Variants in KRT8 observed in about 807,000 individuals in gnomAD.
KRT8 encodes keratin, type II cytoskeletal 8.
In KRT8, 24 loss-of-function variants were observed where a neutral mutation model predicts 43.0. The observed-to-expected ratio is 0.56, with a 90% CI of 0.40 to 0.78. The LOEUF is 0.78. Among genes scored for constraint, KRT8 ranks in the 30% least tolerant of loss-of-function variants. The pLI, the probability that KRT8 is intolerant of heterozygous loss-of-function variation, is 0.00. For synonymous variants in KRT8, 214 were observed against 261.2 expected, an observed-to-expected ratio of 0.82 and a Z score of 1.74; for missense variants, 492 against 638.4, an observed-to-expected ratio of 0.77 and a Z score of 2.47.
rs1314015016 is a variant in KRT8 at position 52,917,696 on chromosome 12, G to A, written c.-46-12669C>T. Among the ~76,000 whole-genome samples, 7 of 129,590 alleles carry A rather than the reference G, an allele frequency of 5.4e-5. No homozygotes were observed. In the East Asian group the frequency reaches 6.9e-4, roughly 13 times the overall value. The allele number at this position is 129,590 out of a possible 152,430, so 85.0% of individuals were successfully genotyped here. A position where few individuals can be genotyped will look rare whatever the true frequency, so the allele number is the denominator to read the frequency against. On this transcript the variant is annotated intron_variant, in intron 2 of 6. Transcript: ENST00000546826. ...TGCACTCCAGCCTGGGTGATAGGGCGAGACTCTGTCTCAAAAAAAAAAAAA... is the reference window on the plus strand; with the variant it reads ...TGCACTCCAGCCTGGGTGATAGGGCAAGACTCTGTCTCAAAAAAAAAAAAA...
At chr12:52,907,004 A>C, upstream of KRT8, 1 of 305,816 alleles carries the variant, frequency 3.3e-6, no homozygotes, top group Non-Finnish European at 6.5e-6. Flanking sequence ...ACACACACAC[A>C]CACACACACC....
chr12:52,930,576 T>C (rs1426766427), intron 2 of KRT8, among the ~76,000 whole-genome samples: 1 of 151,774 alleles, frequency 6.6e-6, no homozygotes, highest in Admixed American at 6.6e-5. Flanking sequence ...TTTTCCTTTT[T>C]TTGAGACAAA....
chr12:52,929,380 G>T (rs1234600440), intron 2 of KRT8, among the ~76,000 whole-genome samples: 2 of 151,958 alleles, frequency 1.3e-5, no homozygotes, highest in African/African-American at 4.8e-5. Flanking sequence ...TTTTAGTAGA[G>T]ACAGGGTTTC....
Position 52,934,371 on chromosome 12 carries a change from C to G in KRT8, c.-47+15085G>C, listed in dbSNP as rs1220783386. On this transcript the variant is annotated intron_variant, in intron 2 of 6. Transcript: ENST00000546826. Reference sequence around the variant, plus strand: ...AGGTCTGAGTTCAGAACCAGTCTGGCCAACATGGTGAAACCCTGTCTCTAC... The same window carrying G: ...AGGTCTGAGTTCAGAACCAGTCTGGGCAACATGGTGAAACCCTGTCTCTAC... 2.0e-5 allele frequency among the ~76,000 whole-genome samples: 3 copies of G among 151,574 alleles called. No homozygotes were observed. In the East Asian group the frequency reaches 5.9e-4, roughly 30 times the overall value.
intron 2 of KRT8, among the ~76,000 whole-genome samples, chr12:52,919,125 A>G (rs987203020): frequency 9.9e-5 from 15 of 152,216 alleles, no homozygotes; most frequent in Admixed American, 9.2e-4. Context: ...CTAGGGAGCT[A>G]GCCATGCAAA....
At chr12:52,949,096 T>TCGGGTCGCG (rs1209281927) in intron 2 of KRT8, 2 of 1,325,992 alleles carry the variant, frequency 1.5e-6, no homozygotes, top group Non-Finnish European at 2.1e-6. Flanking sequence ...GCGATATAAC[T>TCGGGTCGCG]CGGGTCGCGC....
chr12:52,937,611 C>A (rs2120717834), intron 2 of KRT8, among the ~76,000 whole-genome samples: 1 of 151,368 alleles, frequency 6.6e-6, no homozygotes, highest in South Asian at 2.1e-4. Flanking sequence ...TCACTTGAAT[C>A]CGGGAGGCAA....
At chr12:52,940,624 GA>G (rs1942252311) in intron 2 of KRT8, among the ~76,000 whole-genome samples, 1 of 126,566 alleles carries the variant, frequency 7.9e-6, no homozygotes, top group Non-Finnish European at 1.7e-5. Context: ...GAACACAGTG[GA>G]TTTTTTTTTT....
chr12:52,901,143 AG>A lies in KRT8; in HGVS notation c.594+15del. The A allele has an allele frequency of 6.3e-7, 1 of 1,585,738 alleles. No individual in the cohort carries two copies. Among genetic ancestry groups the A allele is most frequent in the Non-Finnish European group, 8.7e-7 (1 of 1,154,096 alleles). On this transcript the variant is annotated intron_variant, in intron 3 of 7. Coordinates refer to ENST00000692008, the Ensembl canonical transcript of KRT8. ...CAGCCTCCAGTGTCCAGATAGGAGA[AG>A]GGAGACTCCCTCACCTTCTTGATGA...
At chr12:52,906,367 G>T (rs1941519138), upstream of KRT8, among the ~76,000 whole-genome samples, 1 of 152,168 alleles carries the variant, frequency 6.6e-6, no homozygotes, top group Non-Finnish European at 1.5e-5. Context: ...GACGGCAGGG[G>T]GTACAGTGGA....
At position 52,902,064 on chromosome 12, in the gene KRT8, G is replaced by A. The variant is rs1285788229; in HGVS notation, c.333C>T (p.Phe111=). The A allele has an allele frequency of 1.9e-6, 3 of 1,599,768 alleles. No individual in the cohort carries two copies. In the South Asian group the frequency reaches 3.3e-5, roughly 18 times the overall value. The change falls in exon 2 of 8, where the codon TTC becomes TTT. Residue 111 remains phenylalanine, a synonymous_variant. Coordinates refer to ENST00000692008, the Ensembl canonical transcript of KRT8. ...CCAGCATCTTGTTCTGCTGCTCCAG[G>A]AACCGTACCTATACGAAGGAGGAGA...
At chr12:52,929,320 T>C (rs574007134) in intron 2 of KRT8, among the ~76,000 whole-genome samples, 202 of 152,074 alleles carry the variant, frequency 1.3e-3, no homozygotes, top group Non-Finnish European at 2.4e-3. Context: ...ACCTCCTGAG[T>C]AGCTGGGATT....
chr12:52,936,182 G>T (rs1239543860), intron 2 of KRT8, among the ~76,000 whole-genome samples: 1 of 152,092 alleles, frequency 6.6e-6, no homozygotes, highest in African/African-American at 2.4e-5. Context: ...AACCTGGGAG[G>T]CACAGGTTGC....
rs58912304 is a variant in KRT8, at chr12:52,899,801, C to A, written c.955G>T (p.Ala319Ser). 10,862 of 1,612,008 alleles carry A rather than the reference C, an allele frequency of 6.7e-3. 50 individuals are homozygous for A. The highest frequency in any genetic ancestry group is 8.3e-3 in the Non-Finnish European group (9,739 of 1,179,858). ...TGGCCTTTGAGGCCCTCAATCTCAGCCTGGAGCCGGCTGATGTTCCGGTTC... is the reference window on the plus strand; with the variant it reads ...TGGCCTTTGAGGCCCTCAATCTCAGACTGGAGCCGGCTGATGTTCCGGTTC... Residue 319 changes from alanine to serine, a missense_variant, in exon 5 of 8, where the codon GCT becomes TCT. Around this residue, in one of 3 missense-constraint regions of KRT8, gnomAD observed 389 missense variants for 485.7 expected, o/e 0.80. Coordinates refer to ENST00000692008, the Ensembl canonical transcript of KRT8.
intron 2 of KRT8, among the ~76,000 whole-genome samples, chr12:52,928,084 G>GCTCTTGGC (rs1476008672): frequency 1.3e-5 from 2 of 152,152 alleles, no homozygotes; most frequent in Non-Finnish European, 2.9e-5. Flanking sequence ...AACAGGGAGC[G>GCTCTTGGC]CTCTTGGCCT....
At chr12:52,946,356 T>C (rs1389615219) in intron 2 of KRT8, among the ~76,000 whole-genome samples, 1 of 152,184 alleles carries the variant, frequency 6.6e-6, no homozygotes, top group Non-Finnish European at 1.5e-5. Flanking sequence ...CTCCTGTATA[T>C]ATTGAAGCCT....
chr12:52,911,135 T>C (rs909335582), upstream of KRT8, among the ~76,000 whole-genome samples: 2 of 152,034 alleles, frequency 1.3e-5, no homozygotes, highest in African/African-American at 4.8e-5. Flanking sequence ...GCTGATCACC[T>C]GAGGTCAGCA....
At chr12:52,918,188 A>AAGAAGAAGAAGG (rs1941802713) in intron 2 of KRT8, among the ~76,000 whole-genome samples, 1 of 118,192 alleles carries the variant, frequency 8.5e-6, no homozygotes, top group Non-Finnish European at 1.7e-5. Flanking sequence ...GAGGAAGAAG[A>AAGAAGAAGAAGG]AGAAGAAGAA....
At chr12:52,903,288 A>C (rs1318750530) in intron 1 of KRT8, among the ~76,000 whole-genome samples, 2 of 152,180 alleles carry the variant, frequency 1.3e-5, no homozygotes, top group Non-Finnish European at 2.9e-5. Context: ...TAGATGAGGA[A>C]ATAAGACTTG....
Sources: gnomAD v4.1 joint callset for allele counts (sites outside exome capture counted in the v4.1 genomes callset) on GRCh38, gnomAD v4.1.1 for gene constraint, gnomAD v4.1.1 regional missense constraint, MANE v1.5 for transcripts, NCBI Gene and HGNC (gene_info 2026-07-23, HGNC 2026-07-21) for gene names.